CNTN5: variants seen among roughly 807,000 people sequenced by gnomAD.
CNTN5 encodes contactin 5, also known as contactin-5.
CNTN5 carries 77 observed loss-of-function variants against 129.1 expected under a neutral mutation model. The ratio of observed to expected loss-of-function variants is 0.60; its 90% CI spans 0.50 to 0.72. The LOEUF (loss-of-function observed/expected upper bound fraction) is 0.72, where lower values mean the gene tolerates loss of function less well. Ranked by LOEUF, CNTN5 falls within the 30% of genes least tolerant of loss-of-function variation. CNTN5 has a pLI of 0.00. For missense variants in CNTN5, 1,478 were observed against 1,328.8 expected, an observed-to-expected ratio of 1.11 and a Z score of -1.75; for synonymous variants, 509 against 465.6, an observed-to-expected ratio of 1.09 and a Z score of -1.20.
At chr11:99,353,138 A>G (rs1472529273) in intron 2 of CNTN5, among the ~76,000 whole-genome samples, 3 of 152,158 alleles carry the variant, frequency 2.0e-5, no homozygotes, top group Non-Finnish European at 2.9e-5. Flanking sequence ...GACACTATAC[A>G]AGGCCCAATC....
chr11:100,055,836 A>G (rs968275497), intron 9 of CNTN5, among the ~76,000 whole-genome samples: 2 of 151,488 alleles, frequency 1.3e-5, no homozygotes, highest in African/African-American at 4.8e-5. Flanking sequence ...CAGATATTAC[A>G]TAGTCTTCTC....
intron 13 of CNTN5, among the ~76,000 whole-genome samples, chr11:100,140,621 C>T (rs1335763763): frequency 6.6e-6 from 1 of 152,004 alleles, no homozygotes; most frequent in Non-Finnish European, 1.5e-5. Context: ...AAAGGCCTGA[C>T]CAGAGGCGTG....
At chr11:99,463,437 C>CAAAAAAA (rs1378225524) in intron 2 of CNTN5, among the ~76,000 whole-genome samples, 5 of 6,448 alleles carry the variant, frequency 7.8e-4, no homozygotes, top group African/African-American at 1.2e-3. Context: ...GACTCTGTCT[C>CAAAAAAA]AAAAAGAAAA....
At chr11:99,450,387 A>T (rs893510317) in intron 2 of CNTN5, among the ~76,000 whole-genome samples, 5 of 151,940 alleles carry the variant, frequency 3.3e-5, no homozygotes, top group Non-Finnish European at 7.4e-5. Context: ...TATGCCCAGT[A>T]ATGTTCTATA....
intron 1 of CNTN5, among the ~76,000 whole-genome samples, chr11:99,042,188 G>C (rs1864011069): frequency 6.6e-6 from 1 of 151,116 alleles, no homozygotes; most frequent in Non-Finnish European, 1.5e-5. Context: ...ATTTTTTTAG[G>C]AGAACATTTT....
At chr11:99,245,978 T>C (rs1861794352) in intron 1 of CNTN5, among the ~76,000 whole-genome samples, 1 of 152,208 alleles carries the variant, frequency 6.6e-6, no homozygotes, top group Non-Finnish European at 1.5e-5. Flanking sequence ...GGGATCTGAA[T>C]GGGACTATGT....
rs72983660 is a variant in CNTN5, at chr11:99,677,350, A to G, written c.55+121081A>G. Among the ~76,000 whole-genome samples the G allele has an allele frequency of 8.5e-3, 1,288 of 152,222 alleles. 11 individuals are homozygous for G. Among genetic ancestry groups the G allele is most frequent in the Non-Finnish European group, 0.012 (850 of 68,002 alleles). ...GCTGTTTTTATTATAGCCATCTGAG[A>G]TAATGTTTGTCCTTGTCCTTCTGAT... On this transcript the variant is annotated intron_variant, in intron 3 of 24. Coordinates refer to ENST00000524871, the MANE Select transcript of CNTN5 (RefSeq NM_014361.4).
chr11:99,923,517 A>G (rs1237601530), intron 7 of CNTN5, among the ~76,000 whole-genome samples: 1 of 152,164 alleles, frequency 6.6e-6, no homozygotes, highest in Non-Finnish European at 1.5e-5. Flanking sequence ...TTACTTACAT[A>G]TTTGACTTTA....
intron 4 of CNTN5, among the ~76,000 whole-genome samples, chr11:99,842,676 C>T (rs1242382170): frequency 6.6e-6 from 1 of 152,018 alleles, no homozygotes; most frequent in African/African-American, 2.4e-5. Flanking sequence ...TTTTTTCCCA[C>T]AGCGTAATTC....
At chr11:99,540,092 C>A (rs1434305498) in intron 2 of CNTN5, among the ~76,000 whole-genome samples, 2 of 152,058 alleles carry the variant, frequency 1.3e-5, no homozygotes, top group African/African-American at 4.8e-5. Flanking sequence ...TGCTTTGCCC[C>A]TGCATGATGT....
rs553992454 is a variant in CNTN5, at chr11:99,732,319, G to T, written c.56-87225G>T. Among the ~76,000 whole-genome samples the T allele has an allele frequency of 5.9e-5, 9 of 152,178 alleles. No individual in the cohort carries two copies. In the East Asian group the frequency reaches 9.6e-4, roughly 16 times the overall value. On this transcript the variant is annotated intron_variant, in intron 3 of 24. Transcript: ENST00000524871. ...TGATGAGAGGTCAGATTATAGAACT[G>T]TGTAGTTATTACTGATAATAAGTTT...
At chr11:99,134,355 G>A (rs1241176594) in intron 1 of CNTN5, among the ~76,000 whole-genome samples, 4 of 152,068 alleles carry the variant, frequency 2.6e-5, no homozygotes, top group East Asian at 1.9e-4. Flanking sequence ...CATGGCACAC[G>A]TTTACCTGTA....
chr11:99,297,261 C>T (rs1297651397), intron 1 of CNTN5, among the ~76,000 whole-genome samples: 1 of 152,150 alleles, frequency 6.6e-6, no homozygotes, highest in Non-Finnish European at 1.5e-5. Context: ...CAGAGAAAGA[C>T]CCATCCATTG....
chr11:99,213,902 A>C (rs187362405), intron 1 of CNTN5, among the ~76,000 whole-genome samples: 1 of 152,270 alleles, frequency 6.6e-6, no homozygotes, highest in East Asian at 1.9e-4. Flanking sequence ...ACAGTGTTTT[A>C]TTTTGAGAAC....
intron 1 of CNTN5, among the ~76,000 whole-genome samples, chr11:99,206,980 G>GTA (rs985767528): frequency 3.3e-5 from 5 of 152,000 alleles, no homozygotes; most frequent in Admixed American, 1.3e-4. Context: ...TGTAGTAATT[G>GTA]TAATTCTCCA....
chr11:99,602,456 A>G (rs916928670), intron 3 of CNTN5, among the ~76,000 whole-genome samples: 1 of 152,124 alleles, frequency 6.6e-6, no homozygotes, highest in Non-Finnish European at 1.5e-5. Context: ...AAGAGCCAAT[A>G]AAAGGAGCAA....
intron 1 of CNTN5, among the ~76,000 whole-genome samples, chr11:99,192,159 G>T (rs1473536872): frequency 6.6e-6 from 1 of 150,730 alleles, no homozygotes; most frequent in Non-Finnish European, 1.5e-5. Flanking sequence ...ACTAACAAAA[G>T]AAAGAAGACA....
At chr11:99,676,152 TATTG>T (rs35756326) in intron 3 of CNTN5, among the ~76,000 whole-genome samples, 7,658 of 152,236 alleles carry the variant, frequency 0.05, 216 homozygotes, top group East Asian at 0.1. Flanking sequence ...GATTTATAAT[TATTG>T]ATTTTATTAC....
intron 13 of CNTN5, among the ~76,000 whole-genome samples, chr11:100,157,298 T>A (rs1591329866): frequency 6.6e-6 from 1 of 151,908 alleles, no homozygotes; most frequent in East Asian, 1.9e-4. Context: ...AAGATTCACA[T>A]GGTTGTAGTT....
Sources: gnomAD v4.1 joint callset for allele counts (sites outside exome capture counted in the v4.1 genomes callset) on GRCh38, gnomAD v4.1.1 for gene constraint, MANE v1.5 for transcripts, NCBI Gene and HGNC (gene_info 2026-07-23, HGNC 2026-07-21) for gene names.